Variants in ASMTL observed in about 807,000 individuals in gnomAD.
ASMTL encodes acetylserotonin O-methyltransferase like.
ASMTL carries 57 observed loss-of-function variants against 60.3 expected under a neutral mutation model. The ratio of observed to expected loss-of-function variants is 0.95; its 90% CI spans 0.76 to 1.18. ASMTL has a LOEUF of 1.18. Among genes scored for constraint, ASMTL ranks in the 50% most tolerant of loss-of-function variants. The pLI, the probability that ASMTL is intolerant of heterozygous loss-of-function variation, is 0.00. For missense variants in ASMTL, 981 were observed against 852.6 expected, an observed-to-expected ratio of 1.15 and a Z score of -1.88; for synonymous variants, 419 against 373.0, an observed-to-expected ratio of 1.12 and a Z score of -1.42.
At chrX:1,417,585 C>T (rs1306786790) in intron 11 of ASMTL, among the ~76,000 whole-genome samples, 2 of 150,414 alleles carry the variant, frequency 1.3e-5, no homozygotes, top group Admixed American at 6.6e-5. Flanking sequence ...CAGACACCCA[C>T]CGGCTCACAG....
At chrX:1,429,529 G>A (rs1454842629) in intron 6 of ASMTL, among the ~76,000 whole-genome samples, 1 of 152,008 alleles carries the variant, frequency 6.6e-6, no homozygotes, top group African/African-American at 2.4e-5. Context: ...CAGGTGTTGG[G>A]CTGGGCGCGG....
intron 6 of ASMTL, among the ~76,000 whole-genome samples, chrX:1,428,650 T>TAAATAAATAAATAAATAAA (rs1176320871): frequency 2.0e-5 from 3 of 150,122 alleles, no homozygotes; most frequent in African/African-American, 7.3e-5. Flanking sequence ...CCGTCTCAAA[T>TAAATAAATAAATAAATAAA]AAATAAATAA....
chrX:1,446,499 C>T lies in ASMTL; in HGVS notation c.94-4182G>A, dbSNP rs1221564979. Among the ~76,000 whole-genome samples, 8 of 92,510 alleles carry T rather than the reference C, an allele frequency of 8.6e-5. No homozygotes were observed. In the East Asian group the frequency reaches 1.1e-3, roughly 13 times the overall value. The allele number at this position is 92,510 out of a possible 152,430, so 60.7% of individuals were successfully genotyped here. On this transcript the variant is annotated intron_variant, in intron 1 of 12. Transcript: ENST00000381317. ...TGGGGCTGGTCCCTACATCTCATGA[C>T]ATTTTTTTTTTTTTTTTTGAGACGG...
intron 1 of ASMTL, among the ~76,000 whole-genome samples, chrX:1,445,512 T>A (rs2091213271): frequency 6.6e-6 from 1 of 152,114 alleles, no homozygotes; most frequent in Non-Finnish European, 1.5e-5. Flanking sequence ...TTGCAAATTC[T>A]CAGGGACCTT....
intron 9 of ASMTL, among the ~76,000 whole-genome samples, chrX:1,419,625 G>A (rs1434742565): frequency 6.6e-6 from 1 of 152,070 alleles, no homozygotes; most frequent in Non-Finnish European, 1.5e-5. Context: ...GGGTCCCAGA[G>A]GAGCCCAGGC....
chrX:1,452,840 TGGCGTCCACGCCGGGAGCCG>T lies in ASMTL; in HGVS notation c.-20_-1del, dbSNP rs1220117519. On this transcript the variant is annotated 5_prime_UTR_variant, in exon 1 of 13. Transcript: ENST00000381317. ...TTCCCAATCACCGGGCACAGCACCA[TGGCGTCCACGCCGGGAGCCG>T]GGCGTCCGCACTTCTGAGCCCGGAG... The T allele has an allele frequency of 6.3e-7, 1 of 1,577,428 alleles. No individual in the cohort carries two copies. Among genetic ancestry groups the T allele is most frequent in the Non-Finnish European group, 8.5e-7 (1 of 1,170,508 alleles).
At chrX:1,439,232 C>T in intron 2 of ASMTL, 88 bp from the exon 3 acceptor site, 1 of 1,419,490 alleles carries the variant, frequency 7.0e-7, no homozygotes. Context: ...TGAAAGAGCA[C>T]CGCAGGGGCG....
At chrX:1,453,351 C>A (rs1384900914), upstream of ASMTL, among the ~76,000 whole-genome samples, 1 of 151,074 alleles carries the variant, frequency 6.6e-6, no homozygotes, top group African/African-American at 2.4e-5. Flanking sequence ...CCGCCCGCCT[C>A]CCCCCCGGGC....
intron 9 of ASMTL, 163 bp from the exon 10 acceptor site, chrX:1,419,277 CTTGT>C (rs1197544307): frequency 6.4e-6 from 2 of 314,840 alleles, no homozygotes; most frequent in African/African-American, 2.3e-5. Context: ...GTGGGCTACT[CTTGT>C]CTGTGTGGGG....
intron 3 of ASMTL, among the ~76,000 whole-genome samples, chrX:1,438,145 C>T (rs1460324935): frequency 6.6e-5 from 10 of 151,282 alleles, no homozygotes; most frequent in Admixed American, 1.3e-4. Flanking sequence ...AAAAATCAGC[C>T]GGGCGTGGTG....
At chrX:1,413,081 C>T (rs1186744721) in intron 11 of ASMTL, 20 of 572,352 alleles carry the variant, frequency 3.5e-5, no homozygotes, top group Non-Finnish European at 6.0e-5. Flanking sequence ...GCTGAGAAAA[C>T]GCTGGGGACA....
In ASMTL at chrX:1,442,403, T is replaced by C. The variant is rs2091128770; in HGVS notation, c.94-86A>G. The C allele has an allele frequency of 2.7e-6, 4 of 1,487,124 alleles. No individual in the cohort carries two copies. The South Asian group carries it at 3.5e-5, about 13-fold the overall frequency. 92.1% of individuals were successfully genotyped at this position (1,487,124 alleles called of 1,614,324 possible). A position where few individuals can be genotyped will look rare whatever the true frequency, so the allele number is the denominator to read the frequency against. On this transcript the variant is annotated intron_variant, in intron 1 of 12. Transcript: ENST00000381317. The stretch of plus-strand genomic sequence containing the variant: ...ACATGCAAGATTTGCAGGACGCACA[T>C]AGCGTTTGCTACACTCCCCGACCCT...
At chrX:1,453,013 C>A, upstream of ASMTL, 1 of 558,982 alleles carries the variant, frequency 1.8e-6, no homozygotes, top group East Asian at 3.5e-5. Context: ...CCCCGCGAGA[C>A]CGCGCCCAGG....
chrX:1,411,239 G>A (rs1478170228), intron 12 of ASMTL, among the ~76,000 whole-genome samples: 1 of 8,982 alleles, frequency 1.1e-4, no homozygotes, highest in African/African-American at 1.2e-4. Context: ...GAGAGACAGA[G>A]GGAGAGAAGA....
chrX:1,406,074 G>A (rs1461201782), intron 12 of ASMTL, among the ~76,000 whole-genome samples: 1 of 149,798 alleles, frequency 6.7e-6, no homozygotes, highest in Non-Finnish European at 1.5e-5. Flanking sequence ...TGGAGGCATG[G>A]ATGAGATGGA....
intron 7 of ASMTL, among the ~76,000 whole-genome samples, chrX:1,427,429 A>C (rs756192357): frequency 6.6e-6 from 1 of 152,002 alleles, no homozygotes; most frequent in Non-Finnish European, 1.5e-5. Flanking sequence ...GTGGACTCCA[A>C]GTCCAATGAC....
At chrX:1,428,193 G>A in intron 6 of ASMTL, 72 bp from the exon 7 acceptor site, 3 of 1,523,466 alleles carry the variant, frequency 2.0e-6, no homozygotes, top group Non-Finnish European at 2.6e-6. Context: ...TTCACGGCTG[G>A]GAGGCGGAGG....
chrX:1,447,556 AC>A (rs1488101894), intron 1 of ASMTL, among the ~76,000 whole-genome samples: 3 of 150,888 alleles, frequency 2.0e-5, no homozygotes, highest in Admixed American at 2.0e-4. Flanking sequence ...TTGGACACAC[AC>A]GGCCATCTTG....
At chrX:1,425,824 G>C (rs1280065318) in intron 7 of ASMTL, 137 bp from the exon 8 acceptor site, 2 of 821,364 alleles carry the variant, frequency 2.4e-6, no homozygotes, top group Non-Finnish European at 3.8e-6. Context: ...AGAGAACGGT[G>C]GGGATTTATA....
Sources: allele counts gnomAD v4.1 joint callset (sites outside exome capture counted in the v4.1 genomes callset), GRCh38; gene constraint gnomAD v4.1.1; transcripts MANE v1.5; gene names NCBI Gene and HGNC (gene_info 2026-07-23, HGNC 2026-07-21).